SNX14: variants seen among roughly 807,000 people sequenced by gnomAD.
SNX14 encodes the protein sorting nexin 14, also known as sorting nexin-14.
In SNX14, 93 loss-of-function variants were observed where a neutral mutation model predicts 133.8. The observed-to-expected ratio is 0.70, with a 90% CI of 0.59 to 0.83. SNX14 has a LOEUF of 0.83. Among genes scored for constraint, SNX14 ranks in the 40% least tolerant of loss-of-function variants. The pLI, the probability that SNX14 is intolerant of heterozygous loss-of-function variation, is 0.00. For missense variants in SNX14, 945 were observed against 1,094.9 expected (o/e 0.86, Z 1.93); for synonymous variants, 368 against 365.6 (o/e 1.01, Z -0.07).
rs1338009640 is a variant in SNX14, at chr6:85,543,308, T to C, written c.1265-2A>G. On this transcript the variant is annotated splice_acceptor_variant, in intron 13 of 28. Transcript: ENST00000314673. LOFTEE classifies it high-confidence loss of function. ...CATCTATGTATGGGCCTTCAGCAAC[T>C]ATTAAAAAAATTCTACTGTAGAAAT... 1 of 1,559,270 alleles carries C rather than the reference T, an allele frequency of 6.4e-7. No homozygotes were observed. The highest frequency in any genetic ancestry group is 2.3e-5 in the East Asian group (1 of 43,694).
chr6:85,512,554 G>A (rs557581857), intron 26 of SNX14, among the ~76,000 whole-genome samples: 55 of 151,610 alleles, frequency 3.6e-4, no homozygotes, highest in African/African-American at 1.3e-3. Flanking sequence ...CCCAGGAGGC[G>A]GAGGTTGCAG....
At chr6:85,537,028 TAA>T (rs1782180506) in intron 16 of SNX14, 104 bp from the exon 17 acceptor site, 1 of 1,236,146 alleles carries the variant, frequency 8.1e-7, no homozygotes, top group Non-Finnish European at 1.1e-6. Context: ...TTGAAAATGA[TAA>T]ACTAAAGGTA....
At chr6:85,585,236 G>A (rs1800372715) in intron 1 of SNX14, among the ~76,000 whole-genome samples, 1 of 152,044 alleles carries the variant, frequency 6.6e-6, no homozygotes, top group African/African-American at 2.4e-5. Flanking sequence ...GGACCTGCTG[G>A]GGAGTGGGGG....
intron 17 of SNX14, among the ~76,000 whole-genome samples, chr6:85,536,412 A>C (rs1412194282): frequency 6.6e-6 from 1 of 152,220 alleles, no homozygotes; most frequent in African/African-American, 2.4e-5. Flanking sequence ...TTAAGTAAGC[A>C]AGGAGTTAGA....
intron 2 of SNX14, among the ~76,000 whole-genome samples, chr6:85,573,210 T>TAATTACA (rs1206094524): frequency 1.3e-5 from 2 of 152,220 alleles, no homozygotes; most frequent in African/African-American, 4.8e-5. Flanking sequence ...CCAGGCGCAG[T>TAATTACA]GGCTCACGCC....
intron 7 of SNX14, among the ~76,000 whole-genome samples, chr6:85,551,072 C>T (rs896109760): frequency 1.1e-4 from 16 of 152,180 alleles, no homozygotes; most frequent in Admixed American, 2.0e-4. Context: ...TGAGCCACTG[C>T]GCCTGGCCTC....
intron 1 of SNX14, among the ~76,000 whole-genome samples, chr6:85,577,664 A>T (rs1200915226): frequency 6.6e-6 from 1 of 152,200 alleles, no homozygotes; most frequent in African/African-American, 2.4e-5. Flanking sequence ...GAGTTAAAAA[A>T]GAAATGAGCA....
intron 6 of SNX14, chr6:85,561,121 G>A (rs1345903898): frequency 6.6e-6 from 1 of 151,824 alleles, no homozygotes; most frequent in Non-Finnish European, 1.5e-5. Flanking sequence ...ATCATTTGAG[G>A]TCAGGAGTTC....
chr6:85,507,618 T>C (rs1453285515), intron 27 of SNX14, among the ~76,000 whole-genome samples: 1 of 152,164 alleles, frequency 6.6e-6, no homozygotes, highest in Non-Finnish European at 1.5e-5. Flanking sequence ...ATAAAGCTTA[T>C]ACATAGTTTA....
intron 21 of SNX14, among the ~76,000 whole-genome samples, chr6:85,525,357 T>C (rs541437178): frequency 6.6e-6 from 1 of 152,278 alleles, no homozygotes; most frequent in South Asian, 2.1e-4. Flanking sequence ...AATTATAAAG[T>C]TACTTTGAAA....
chr6:85,508,417 T>C (rs1179802615), intron 26 of SNX14: 3 of 980,806 alleles, frequency 3.1e-6, no homozygotes, highest in Non-Finnish European at 3.7e-6. Context: ...TAAAATGATG[T>C]TTGTACATCT....
Position 85,565,428 on chromosome 6 carries a change from A to AGGAGAAAAACAAATATTCAGAAGTTC in SNX14, c.462-35_462-10dup. 1 of 1,568,762 alleles carries AGGAGAAAAACAAATATTCAGAAGTTC rather than the reference A, an allele frequency of 6.4e-7. No individual in the cohort carries two copies. Among genetic ancestry groups the AGGAGAAAAACAAATATTCAGAAGTTC allele is most frequent in the South Asian group, 1.2e-5 (1 of 85,368 alleles). On this transcript the variant is annotated splice_polypyrimidine_tract_variant and intron_variant, in intron 5 of 28. Coordinates refer to ENST00000314673, the MANE Select transcript of SNX14 (RefSeq NM_153816.6). ...CATCATCTGTCACATCCCTTCAATA[A>AGGAGAAAAACAAATATTCAGAAGTTC]GGAGAAAAACAAATATTCAGAAGTT... is the stretch of plus-strand genomic sequence containing the variant.
intron 1 of SNX14, among the ~76,000 whole-genome samples, chr6:85,575,255 T>A (rs879896230): frequency 2.0e-5 from 3 of 152,238 alleles, no homozygotes; most frequent in Non-Finnish European, 4.4e-5. Flanking sequence ...ATACCATGAT[T>A]GTGCTAAATA....
chr6:85,555,983 C>T (rs189810055), intron 7 of SNX14, among the ~76,000 whole-genome samples: 45 of 149,464 alleles, frequency 3.0e-4, no homozygotes, highest in African/African-American at 5.9e-4. Flanking sequence ...AGCGAAACTG[C>T]GTCTCAAAAA....
In SNX14 at chr6:85,528,479, T is replaced by C. The variant is rs1779169116; in HGVS notation, c.1895-117A>G. On this transcript the variant is annotated intron_variant, in intron 19 of 28. Transcript: ENST00000314673. ...GATTAGCAATACTGCCTTGTACAGA[T>C]GTGACATTACTCTTTGAAAATCTTC... is the stretch of plus-strand genomic sequence containing the variant. 7 of 596,052 alleles carry C rather than the reference T, an allele frequency of 1.2e-5. No homozygotes were observed. The South Asian group carries it at 2.9e-4, about 25-fold the overall frequency. The allele number at this position is 596,052 out of a possible 1,614,324, so 36.9% of individuals were successfully genotyped here.
At chr6:85,573,088 T>C (rs756110573) in intron 2 of SNX14, among the ~76,000 whole-genome samples, 1 of 152,200 alleles carries the variant, frequency 6.6e-6, no homozygotes, top group South Asian at 2.1e-4. Context: ...CCTGATCAAA[T>C]ATGGGGCACC....
intron 23 of SNX14, among the ~76,000 whole-genome samples, chr6:85,516,058 C>G (rs966335158): frequency 6.6e-6 from 1 of 152,142 alleles, no homozygotes; most frequent in African/African-American, 2.4e-5. Flanking sequence ...CTTGTACTCT[C>G]TATATACATA....
Position 85,530,290 on chromosome 6 carries a change from C to T in SNX14, c.1811-15G>A, listed in dbSNP as rs199618597. ...CTCGTGTCCAACTGTAAATTGAGTACACACACACTGAGTAACAAATAATTT... is the reference window on the plus strand; with the variant it reads ...CTCGTGTCCAACTGTAAATTGAGTATACACACACTGAGTAACAAATAATTT... On this transcript the variant is annotated splice_polypyrimidine_tract_variant and intron_variant, in intron 18 of 28. Coordinates refer to ENST00000314673, the MANE Select transcript of SNX14 (RefSeq NM_153816.6). 2.9e-3 allele frequency: 4,252 copies of T among 1,461,074 alleles called. 159 individuals are homozygous for T. In the South Asian group the frequency reaches 0.048, roughly 17 times the overall value. The allele number at this position is 1,461,074 out of a possible 1,614,324, so 90.5% of individuals were successfully genotyped here.
intron 23 of SNX14, among the ~76,000 whole-genome samples, chr6:85,515,117 A>G (rs1774368612): frequency 6.6e-6 from 1 of 151,954 alleles, no homozygotes; most frequent in South Asian, 2.1e-4. Context: ...ATACAAAAAA[A>G]TTAGCCAGGT....
Sources: allele counts gnomAD v4.1 joint callset (sites outside exome capture counted in the v4.1 genomes callset), GRCh38; gene constraint gnomAD v4.1.1; transcripts MANE v1.5; gene names NCBI Gene and HGNC (gene_info 2026-07-23, HGNC 2026-07-21).